Variants in IMMP2L observed in about 807,000 individuals in gnomAD.
IMMP2L encodes the protein inner mitochondrial membrane peptidase subunit 2, also known as mitochondrial inner membrane protease subunit 2.
IMMP2L carries 18 observed loss-of-function variants against 19.3 expected under a neutral mutation model. The observed-to-expected ratio is 0.93, with a 90% confidence interval of 0.64 to 1.38. IMMP2L has a LOEUF of 1.38. Among genes scored for constraint, IMMP2L ranks in the 40% most tolerant of loss-of-function variants. The pLI, the probability that IMMP2L is intolerant of heterozygous loss-of-function variation, is 0.00. For synonymous variants in IMMP2L, 76 were observed against 73.0 expected (o/e 1.04, Z -0.21); for missense variants, 233 against 218.2 (o/e 1.07, Z -0.43).
chr7:110,667,115 C>T (rs1411475501), intron 5 of IMMP2L, among the ~76,000 whole-genome samples: 1 of 152,208 alleles, frequency 6.6e-6, no homozygotes, highest in Non-Finnish European at 1.5e-5. Context: ...AGTGATCCAT[C>T]TGCCTTGGCC....
intron 3 of IMMP2L, among the ~76,000 whole-genome samples, chr7:111,202,138 AGC>A (rs1810210185): frequency 1.3e-5 from 2 of 152,330 alleles, no homozygotes; most frequent in African/African-American, 2.4e-5. Flanking sequence ...CATCATTCAA[AGC>A]GTAATTGTCA....
At chr7:111,188,953 G>C (rs1413891637) in intron 3 of IMMP2L, among the ~76,000 whole-genome samples, 2 of 152,044 alleles carry the variant, frequency 1.3e-5, no homozygotes, top group African/African-American at 4.8e-5. Context: ...CAGAACTACA[G>C]ATATGGCTAA....
At chr7:110,779,018 C>A (rs549661536) in intron 5 of IMMP2L, among the ~76,000 whole-genome samples, 1 of 151,826 alleles carries the variant, frequency 6.6e-6, no homozygotes, top group Non-Finnish European at 1.5e-5. Flanking sequence ...GAATAGAAAG[C>A]GAAGTCTTGA....
At chr7:111,432,105 G>C (rs921109059) in intron 3 of IMMP2L, among the ~76,000 whole-genome samples, 7 of 151,738 alleles carry the variant, frequency 4.6e-5, no homozygotes, top group Non-Finnish European at 1.5e-5. Flanking sequence ...AGGAGGAATA[G>C]GGAAAGGTGC....
At chr7:111,068,637 T>A (rs2129575129) in intron 3 of IMMP2L, among the ~76,000 whole-genome samples, 1 of 152,314 alleles carries the variant, frequency 6.6e-6, no homozygotes, top group African/African-American at 2.4e-5. Flanking sequence ...TACTTATTGT[T>A]TTTATTATTT....
chr7:111,555,147 C>T (rs1248486695), intron 1 of IMMP2L, among the ~76,000 whole-genome samples: 1 of 152,214 alleles, frequency 6.6e-6, no homozygotes, highest in East Asian at 1.9e-4. Context: ...GATATTAATA[C>T]ATGTTGGCTA....
chr7:110,980,410 A>G (rs967413286), intron 3 of IMMP2L, among the ~76,000 whole-genome samples: 1 of 151,286 alleles, frequency 6.6e-6, no homozygotes, highest in African/African-American at 2.4e-5. Context: ...TTGTATTTTT[A>G]GTAGAGACGG....
chr7:110,919,158 T>G lies in IMMP2L; in HGVS notation c.306-32463A>C, dbSNP rs184446546. ...TGATCCATTTCCATATACTGACTTT[T>G]GCATGACTTTCCCTTTTCAGTATAT... On this transcript the variant is annotated intron_variant, in intron 4 of 5. Transcript: ENST00000405709. 2.6e-5 allele frequency among the ~76,000 whole-genome samples: 4 copies of G among 152,210 alleles called. No homozygotes were observed. In the East Asian group the frequency reaches 7.8e-4, roughly 30 times the overall value.
rs558260542 is a variant in IMMP2L at position 110,891,787 on chromosome 7, A to C, written c.306-5092T>G. Among the ~76,000 whole-genome samples the C allele has an allele frequency of 4.9e-4, 74 of 152,326 alleles. 1 individual carries two copies. Among genetic ancestry groups the C allele is most frequent in the Non-Finnish European group, 4.7e-4 (32 of 68,026 alleles). On this transcript the variant is annotated intron_variant, in intron 4 of 5. Coordinates refer to ENST00000405709, the MANE Select transcript of IMMP2L (RefSeq NM_032549.4). Reference sequence around the variant, plus strand: ...AAAGCAAATTACCATGAGTTAAAGAAAGAAGTAATGAACTGGAGTAGAATT... The same window carrying C: ...AAAGCAAATTACCATGAGTTAAAGACAGAAGTAATGAACTGGAGTAGAATT...
At chr7:111,503,990 G>A (rs1295781827) in intron 2 of IMMP2L, among the ~76,000 whole-genome samples, 1 of 152,034 alleles carries the variant, frequency 6.6e-6, no homozygotes, top group African/African-American at 2.4e-5. Flanking sequence ...GCAGGAGAAG[G>A]AAATAAAGGG....
At chr7:111,528,363 T>C (rs1272743202) in intron 1 of IMMP2L, among the ~76,000 whole-genome samples, 1 of 152,190 alleles carries the variant, frequency 6.6e-6, no homozygotes, top group Non-Finnish European at 1.5e-5. Context: ...ATTCTTCTTG[T>C]AACTATGGAA....
chr7:110,899,938 A>T (rs1422325067), intron 4 of IMMP2L, among the ~76,000 whole-genome samples: 1 of 152,218 alleles, frequency 6.6e-6, no homozygotes, highest in African/African-American at 2.4e-5. Flanking sequence ...CAAAGTTCTC[A>T]ACTTCCAAGA....
intron 3 of IMMP2L, among the ~76,000 whole-genome samples, chr7:111,447,879 G>C (rs1399095888): frequency 6.7e-6 from 1 of 149,720 alleles, no homozygotes; most frequent in Non-Finnish European, 1.5e-5. Context: ...CAAGCAAATG[G>C]AAAACAAAAA....
Position 111,201,970 on chromosome 7 carries a change from T to C in IMMP2L, c.240-238405A>G, listed in dbSNP as rs140647060. ...AACTGTGAGAAATAAAGTTCTGTTG[T>C]TTTTAAGCTACCCAGTGCTTGTTAA... is the stretch of plus-strand genomic sequence containing the variant. On this transcript the variant is annotated intron_variant, in intron 3 of 5. Transcript: ENST00000405709. 4.9e-3 allele frequency among the ~76,000 whole-genome samples: 744 copies of C among 152,268 alleles called. 23 individuals are homozygous for C. Among genetic ancestry groups the C allele is most frequent in the Admixed American group, 0.043 (654 of 15,304 alleles).
intron 1 of IMMP2L, among the ~76,000 whole-genome samples, chr7:111,550,095 T>TA (rs1198962660): frequency 6.6e-6 from 1 of 151,666 alleles, no homozygotes; most frequent in Non-Finnish European, 1.5e-5. Context: ...AATCTGACAC[T>TA]AAAAAAAACT....
At chr7:111,080,681 G>A (rs1795818670) in intron 3 of IMMP2L, among the ~76,000 whole-genome samples, 1 of 152,130 alleles carries the variant, frequency 6.6e-6, no homozygotes, top group South Asian at 2.1e-4. Context: ...CCAGGCTAAG[G>A]ATCATCTTAT....
At chr7:110,846,378 G>C (rs1268641649) in intron 5 of IMMP2L, among the ~76,000 whole-genome samples, 1 of 112,452 alleles carries the variant, frequency 8.9e-6, no homozygotes, top group South Asian at 2.8e-4. Context: ...TGTTGTTGTT[G>C]TTGTTGAGAC....
intron 3 of IMMP2L, among the ~76,000 whole-genome samples, chr7:111,063,136 AGGCAT>A (rs1405431469): frequency 6.6e-6 from 1 of 152,222 alleles, no homozygotes; most frequent in East Asian, 1.9e-4. Context: ...CTGGATATCC[AGGCAT>A]TTCCATAAAT....
chr7:110,881,362 T>G (rs1809613759), intron 5 of IMMP2L, among the ~76,000 whole-genome samples: 2 of 152,190 alleles, frequency 1.3e-5, no homozygotes, highest in African/African-American at 4.8e-5. Context: ...CAGCACTGTT[T>G]ATGGGAACCA....
Sources: allele counts gnomAD v4.1 joint callset (sites outside exome capture counted in the v4.1 genomes callset), GRCh38; gene constraint gnomAD v4.1.1; transcripts MANE v1.5; gene names NCBI Gene and HGNC (gene_info 2026-07-23, HGNC 2026-07-21).